The following COX7B2 variants were observed in gnomAD, a reference collection of about 807,000 sequenced individuals.
COX7B2 encodes cytochrome c oxidase subunit 7B2.
For missense variants in COX7B2, 109 were observed against 95.9 expected (o/e 1.14, Z -0.57); for synonymous variants, 37 against 32.1 (o/e 1.15, Z -0.51).
intron 2 of COX7B2, among the ~76,000 whole-genome samples, chr4:46,740,220 G>A (rs1176596129): frequency 6.6e-6 from 1 of 151,936 alleles, no homozygotes; most frequent in African/African-American, 2.4e-5. Flanking sequence ...AGAATTAGAA[G>A]AATTGAGTCA....
At chr4:46,852,463 C>T (rs1485358947) in intron 1 of COX7B2, among the ~76,000 whole-genome samples, 4 of 150,148 alleles carry the variant, frequency 2.7e-5, no homozygotes, top group African/African-American at 1.0e-4. Context: ...TGTTTAAGGA[C>T]CAAAGTCTAG....
At chr4:46,824,782 C>T (rs1365086933) in intron 2 of COX7B2, among the ~76,000 whole-genome samples, 2 of 151,536 alleles carry the variant, frequency 1.3e-5, no homozygotes, top group Non-Finnish European at 2.9e-5. Flanking sequence ...ACAAAAAACA[C>T]ATGATTATCT....
intron 2 of COX7B2, among the ~76,000 whole-genome samples, chr4:46,790,460 T>C (rs1339228554): frequency 6.6e-6 from 1 of 151,930 alleles, no homozygotes; most frequent in Non-Finnish European, 1.5e-5. Flanking sequence ...CTCAAATATA[T>C]TTATACAGGT....
At chr4:46,866,531 T>C (rs1717681169) in intron 1 of COX7B2, among the ~76,000 whole-genome samples, 1 of 152,182 alleles carries the variant, frequency 6.6e-6, no homozygotes, top group South Asian at 2.1e-4. Context: ...CCATTGCTCC[T>C]CTGAGGGTCA....
rs1289403470 is a variant in COX7B2 at position 46,796,107 on chromosome 4, C to A, written c.-50+48853G>T. ...AGCTTAAGGAGATTTTGGGCTGAGA[C>A]GATGGGGTTTTCTAGATAAACAATC... is the stretch of plus-strand genomic sequence containing the variant. On this transcript the variant is annotated intron_variant, in intron 2 of 2. Transcript: ENST00000355591. Among the ~76,000 whole-genome samples, 70 of 106,768 alleles carry A rather than the reference C, an allele frequency of 6.6e-4. 1 individual carries two copies. Among genetic ancestry groups the A allele is most frequent in the Admixed American group, 4.7e-3 (45 of 9,596 alleles). 70.0% of individuals were successfully genotyped at this position (106,768 alleles called of 152,430 possible). A position where few individuals can be genotyped will look rare whatever the true frequency, so the allele number is the denominator to read the frequency against.
intron 2 of COX7B2, among the ~76,000 whole-genome samples, chr4:46,767,790 T>TA (rs1234751469): frequency 6.6e-6 from 1 of 152,098 alleles, no homozygotes; most frequent in Middle Eastern, 3.4e-3. Flanking sequence ...CAATGGAGAC[T>TA]AAAAAAAACA....
chr4:46,800,365 A>G (rs1294261343), intron 2 of COX7B2, among the ~76,000 whole-genome samples: 2 of 152,180 alleles, frequency 1.3e-5, no homozygotes, highest in African/African-American at 2.4e-5. Flanking sequence ...TAAACTTTAT[A>G]CTACAAGGCT....
At chr4:46,773,075 C>G (rs541572282) in intron 2 of COX7B2, among the ~76,000 whole-genome samples, 75 of 152,252 alleles carry the variant, frequency 4.9e-4, no homozygotes, top group African/African-American at 1.7e-3. Flanking sequence ...TACATATTCT[C>G]TGTTCTTTTG....
intron 2 of COX7B2, among the ~76,000 whole-genome samples, chr4:46,770,407 T>C (rs930539573): frequency 1.3e-5 from 2 of 152,176 alleles, no homozygotes; most frequent in Non-Finnish European, 2.9e-5. Flanking sequence ...TGTTAAAATG[T>C]CCATACTACC....
At chr4:46,777,495 G>T (rs979752095) in intron 2 of COX7B2, among the ~76,000 whole-genome samples, 1 of 152,074 alleles carries the variant, frequency 6.6e-6, no homozygotes, top group Non-Finnish European at 1.5e-5. Flanking sequence ...AGTGGAGAGA[G>T]AGGAAACACC....
At chr4:46,838,095 A>AC (rs1715657868) in intron 2 of COX7B2, among the ~76,000 whole-genome samples, 3 of 152,036 alleles carry the variant, frequency 2.0e-5, no homozygotes, top group African/African-American at 4.8e-5. Flanking sequence ...CTACAAGCAA[A>AC]ATAGTTTCAA....
At chr4:46,798,357 A>G (rs1718469853) in intron 2 of COX7B2, among the ~76,000 whole-genome samples, 1 of 152,172 alleles carries the variant, frequency 6.6e-6, no homozygotes, top group Admixed American at 6.5e-5. Context: ...TCATTTACCT[A>G]GTGACCCAAA....
At chr4:46,848,477 C>T (rs540957558) in intron 1 of COX7B2, among the ~76,000 whole-genome samples, 1 of 152,104 alleles carries the variant, frequency 6.6e-6, no homozygotes, top group African/African-American at 2.4e-5. Context: ...GCTATTTTTA[C>T]TGTTGTACAA....
chr4:46,877,572 G>A lies in COX7B2; in HGVS notation c.-105+31588C>T, dbSNP rs4695179. ...CAATTTAAAAATGGGCAAAGAACAT[G>A]AATAGACATTTTTCCAAAGAAGACA... On this transcript the variant is annotated intron_variant, in intron 1 of 2. Transcript: ENST00000355591. Among the ~76,000 whole-genome samples, 308 of 152,162 alleles carry A rather than the reference G, an allele frequency of 2.0e-3. 1 individual carries two copies. Among genetic ancestry groups the A allele is most frequent in the African/African-American group, 6.9e-3 (285 of 41,540 alleles).
intron 2 of COX7B2, among the ~76,000 whole-genome samples, chr4:46,832,355 A>C (rs1302310870): frequency 6.6e-6 from 1 of 151,958 alleles, no homozygotes; most frequent in East Asian, 1.9e-4. Flanking sequence ...TGTAACACCC[A>C]CCCCGAGGGT....
intron 1 of COX7B2, among the ~76,000 whole-genome samples, chr4:46,878,803 C>T (rs972198063): frequency 2.1e-4 from 32 of 152,126 alleles, no homozygotes; most frequent in African/African-American, 7.7e-4. Flanking sequence ...AAAGTCTACC[C>T]CTTCTCTCTG....
intron 2 of COX7B2, 24 bp downstream of exon 2, chr4:46,844,936 G>T (rs540876636): frequency 6.6e-6 from 1 of 151,926 alleles, no homozygotes; most frequent in South Asian, 2.1e-4. Context: ...GGTAGTGTGG[G>T]TCTTTTCCAT....
At chr4:46,835,067 T>C (rs1056969427) in intron 2 of COX7B2, among the ~76,000 whole-genome samples, 4 of 152,180 alleles carry the variant, frequency 2.6e-5, no homozygotes, top group African/African-American at 9.6e-5. Flanking sequence ...TTAAGACCTT[T>C]TTTCCCTAGT....
intron 2 of COX7B2, among the ~76,000 whole-genome samples, chr4:46,783,968 T>C (rs1717615969): frequency 6.6e-6 from 1 of 152,246 alleles, no homozygotes; most frequent in South Asian, 2.1e-4. Flanking sequence ...GCAGATGACA[T>C]GATTGGGACA....
Sources: allele counts gnomAD v4.1 joint callset (sites outside exome capture counted in the v4.1 genomes callset), GRCh38; gene constraint gnomAD v4.1.1; transcripts MANE v1.5; gene names NCBI Gene and HGNC (gene_info 2026-07-23, HGNC 2026-07-21).